Variants in GRM7 observed in about 807,000 individuals in gnomAD.
GRM7 encodes the protein glutamate metabotropic receptor 7.
Under a neutral mutation model 84.5 loss-of-function variants are expected in GRM7, and 35 were observed. That is an observed-to-expected ratio of 0.41 (90% CI 0.32 to 0.55). The LOEUF is 0.55. GRM7 is among the 20% of genes least tolerant of loss of function. The probability of loss-of-function intolerance (pLI) is 0.19; values close to 1 mark genes in which losing one functional copy is unlikely to be tolerated. For missense variants in GRM7, 1,003 were observed against 1,194.6 expected (o/e 0.84, Z 2.36); for synonymous variants, 487 against 455.1 (o/e 1.07, Z -0.89).
chr3:7,511,243 G>A (rs1575433830), intron 7 of GRM7, among the ~76,000 whole-genome samples: 1 of 152,248 alleles, frequency 6.6e-6, no homozygotes, highest in East Asian at 1.9e-4. Context: ...AAGGAACCTT[G>A]ATTAAGGTCC....
intron 9 of GRM7, among the ~76,000 whole-genome samples, chr3:7,701,786 A>G (rs1036152604): frequency 1.3e-5 from 2 of 152,178 alleles, no homozygotes; most frequent in Non-Finnish European, 2.9e-5. Context: ...AACAGAACAC[A>G]GTATCCTTCA....
intron 3 of GRM7, among the ~76,000 whole-genome samples, chr3:7,305,739 G>C (rs1478129307): frequency 6.6e-6 from 1 of 151,602 alleles, no homozygotes; most frequent in Non-Finnish European, 1.5e-5. Context: ...CCTGCATTTA[G>C]CCATGTAGCT....
intron 4 of GRM7, among the ~76,000 whole-genome samples, chr3:7,307,867 C>T (rs757455052): frequency 3.3e-5 from 5 of 152,170 alleles, no homozygotes; most frequent in African/African-American, 7.2e-5. Context: ...AAAATTCTCA[C>T]CCTCAAAGCA....
chr3:7,234,310 G>A (rs1697282729), intron 2 of GRM7, among the ~76,000 whole-genome samples: 2 of 152,276 alleles, frequency 1.3e-5, no homozygotes, highest in South Asian at 4.1e-4. Flanking sequence ...CTAGGTAAAG[G>A]AAGATAGTGA....
chr3:6,927,624 AT>A (rs1297729984), intron 1 of GRM7, among the ~76,000 whole-genome samples: 11 of 152,060 alleles, frequency 7.2e-5, no homozygotes, highest in Admixed American at 2.0e-4. Context: ...CATCATTGCT[AT>A]TTTTTCCACT....
At chr3:7,456,503 G>T (rs1009948347) in intron 6 of GRM7, among the ~76,000 whole-genome samples, 1 of 131,202 alleles carries the variant, frequency 7.6e-6, no homozygotes, top group Non-Finnish European at 1.7e-5. Flanking sequence ...TAAGAATTAC[G>T]ATATTCAAAT....
rs949315716 is a variant in GRM7, at chr3:7,039,723, A to C, written c.520-106729A>C. On this transcript the variant is annotated intron_variant, in intron 1 of 9. Transcript: ENST00000357716. The stretch of plus-strand genomic sequence containing the variant: ...CTGGCAGAGTAACTGAGAAAAAAAA[A>C]AATCTCTCAGAATCCCTAGATTAGT... Among the ~76,000 whole-genome samples the C allele has an allele frequency of 5.3e-5, 8 of 152,234 alleles. 1 individual carries two copies. The highest frequency in any genetic ancestry group is 1.9e-4 in the African/African-American group (8 of 41,524).
At chr3:7,141,191 A>C (rs973146362) in intron 1 of GRM7, among the ~76,000 whole-genome samples, 4 of 152,028 alleles carry the variant, frequency 2.6e-5, no homozygotes, top group African/African-American at 7.2e-5. Context: ...ACTTGCTTAC[A>C]TGGAAATCCC....
Position 6,863,116 on chromosome 3 carries a change from C to G in GRM7, c.519+1209C>G, listed in dbSNP as rs1327022362. The G allele has an allele frequency of 1.7e-5, 6 of 355,012 alleles. No individual in the cohort carries two copies. The highest frequency in any genetic ancestry group is 3.3e-5 in the Non-Finnish European group (6 of 180,450). 22.0% of individuals were successfully genotyped at this position (355,012 alleles called of 1,614,324 possible). ...CATCACTCTCTCTTTCTGTCTCTGT[C>G]TCCTTGCTGTTTTTTTTTTCTCTCT... On this transcript the variant is annotated intron_variant, in intron 1 of 9. Coordinates refer to ENST00000357716, the MANE Select transcript of GRM7 (RefSeq NM_000844.4). The surrounding 1 kb of genome is among the most constrained non-coding windows in gnomAD (Gnocchi z 4.8).
chr3:7,717,416 G>A (rs1449596795), intron 9 of GRM7, among the ~76,000 whole-genome samples: 1 of 152,086 alleles, frequency 6.6e-6, no homozygotes, highest in African/African-American at 2.4e-5. Flanking sequence ...TCTAGAAAAT[G>A]CTGGTATATA....
rs962724700 is a variant in GRM7 at position 7,014,971 on chromosome 3, A to C, written c.520-131481A>C. 3.9e-5 allele frequency among the ~76,000 whole-genome samples: 6 copies of C among 152,322 alleles called. No homozygotes were observed. In the East Asian group the frequency reaches 1.2e-3, roughly 29 times the overall value. ...TAGGGGTTTGTAAAATGTGCCAATCAGTGCTCTGTGGCTAGTTAGAGGTGT... is the reference window on the plus strand; with the variant it reads ...TAGGGGTTTGTAAAATGTGCCAATCCGTGCTCTGTGGCTAGTTAGAGGTGT... On this transcript the variant is annotated intron_variant, in intron 1 of 9. Transcript: ENST00000357716.
intron 7 of GRM7, among the ~76,000 whole-genome samples, chr3:7,516,656 A>G (rs950114637): frequency 5.3e-5 from 8 of 152,072 alleles, no homozygotes; most frequent in Admixed American, 2.0e-4. Context: ...GACTAGAGGT[A>G]TGAGCTGGAG....
At chr3:7,092,581 G>A (rs79240015) in intron 1 of GRM7, among the ~76,000 whole-genome samples, 6,295 of 136,904 alleles carry the variant, frequency 0.046, 137 homozygotes, top group Middle Eastern at 0.12. Context: ...GTTTTCAGCT[G>A]TAAAAATGTT....
intron 4 of GRM7, among the ~76,000 whole-genome samples, chr3:7,350,153 T>A (rs1053762322): frequency 6.6e-6 from 1 of 152,164 alleles, no homozygotes; most frequent in Non-Finnish European, 1.5e-5. Flanking sequence ...ATCCTTTAAG[T>A]ATTTAGGGTG....
intron 4 of GRM7, among the ~76,000 whole-genome samples, chr3:7,372,463 C>A (rs1332311795): frequency 6.6e-6 from 1 of 152,084 alleles, no homozygotes; most frequent in Admixed American, 6.6e-5. Flanking sequence ...AGAGGGCAGT[C>A]TGTATGCATA....
chr3:7,120,256 G>A (rs149662011), intron 1 of GRM7, among the ~76,000 whole-genome samples: 1 of 152,052 alleles, frequency 6.6e-6, no homozygotes, highest in Non-Finnish European at 1.5e-5. Flanking sequence ...AAAGAGAGAT[G>A]TATAGGAGAC....
chr3:7,373,993 AT>A, intron 4 of GRM7, among the ~76,000 whole-genome samples: 1 of 152,294 alleles, frequency 6.6e-6, no homozygotes, highest in Non-Finnish European at 1.5e-5. Flanking sequence ...AATAGTGATT[AT>A]GTCAAGGACA....
intron 7 of GRM7, among the ~76,000 whole-genome samples, chr3:7,496,807 G>A (rs771187517): frequency 6.6e-5 from 10 of 151,880 alleles, no homozygotes; most frequent in Non-Finnish European, 1.3e-4. Flanking sequence ...AGATGTATGT[G>A]TGTGTGATTA....
Position 7,239,678 on chromosome 3 carries a change from G to C in GRM7, c.737-59006G>C, listed in dbSNP as rs1286123519. Among the ~76,000 whole-genome samples the C allele has an allele frequency of 2.6e-5, 4 of 152,024 alleles. No individual in the cohort carries two copies. The East Asian group carries it at 7.7e-4, about 29-fold the overall frequency. ...TCCAGTCTATTAAAGGCCTAGAGGG[G>C]GACATTTTTGATCTGGGAAAATTTT... On this transcript the variant is annotated intron_variant, in intron 2 of 9. Transcript: ENST00000357716.
Sources: allele counts gnomAD v4.1 joint callset (sites outside exome capture counted in the v4.1 genomes callset), GRCh38; gene constraint gnomAD v4.1.1; non-coding constraint Gnocchi (gnomAD v3.1); transcripts MANE v1.5; gene names NCBI Gene and HGNC (gene_info 2026-07-23, HGNC 2026-07-21).